Variants in PES1 observed in about 807,000 individuals in gnomAD.
PES1 encodes the protein pescadillo homolog.
A neutral mutation model predicts 77.1 loss-of-function variants in PES1; 31 were observed. That is an observed-to-expected ratio of 0.40 (90% CI 0.30 to 0.54). The LOEUF (loss-of-function observed/expected upper bound fraction) is 0.54. Ranked by LOEUF, PES1 falls within the 20% of genes least tolerant of loss-of-function variation. The pLI, the probability that PES1 is intolerant of heterozygous loss-of-function variation, is 0.45. For synonymous variants in PES1, 282 were observed against 303.0 expected (o/e 0.93, Z 0.72); for missense variants, 658 against 771.7 (o/e 0.85, Z 1.75).
In PES1 at chr22:30,584,157, C is replaced by A. The variant is rs955429971; in HGVS notation, c.630+208G>T. ...TGAAAGGAACACGTCCAAGGGCACGCAGCTGGCAGGTGCTGCCATAGGGCT... is the reference window on the plus strand; with the variant it reads ...TGAAAGGAACACGTCCAAGGGCACGAAGCTGGCAGGTGCTGCCATAGGGCT... On this transcript the variant is annotated intron_variant, in intron 6 of 14. Coordinates refer to ENST00000354694, the MANE Select transcript of PES1 (RefSeq NM_014303.4). 8.4e-6 allele frequency: 5 copies of A among 594,600 alleles called. No homozygotes were observed. In the South Asian group the frequency reaches 9.6e-5, roughly 11 times the overall value. 36.8% of individuals were successfully genotyped at this position (594,600 alleles called of 1,614,324 possible).
At chr22:30,604,545 A>G (rs1259437945) in intron 2 of PES1, among the ~76,000 whole-genome samples, 3 of 152,182 alleles carry the variant, frequency 2.0e-5, no homozygotes, top group Non-Finnish European at 2.9e-5. Flanking sequence ...AGGCAGGAGA[A>G]TCGCTTGAAC....
At chr22:30,598,151 C>G (rs2087293279) in intron 2 of PES1, among the ~76,000 whole-genome samples, 1 of 152,172 alleles carries the variant, frequency 6.6e-6, no homozygotes, top group African/African-American at 2.4e-5. Context: ...ATAACTCTTA[C>G]TGCTGCTCAC....
chr22:30,580,129 T>C lies in PES1; in HGVS notation c.1093A>G (p.Thr365Ala), dbSNP rs1484345699. 1.2e-6 allele frequency: 2 copies of C among 1,613,970 alleles called. No individual in the cohort carries two copies. Among genetic ancestry groups the C allele is most frequent in the South Asian group, 2.2e-5 (2 of 91,076 alleles). The change falls in exon 11 of 15, where the codon ACC (threonine) becomes GCC (alanine). Residue 365 changes from threonine (T) to alanine (A), a missense_variant. Thr to Ala is a moderately conservative substitution (Grantham distance 58, BLOSUM62 0). Transcript: ENST00000354694. ...ATGCGGGAGTCTGTGACGTCATAGGTGGCCCCAATGCACAAAGATTTGTCC... is the reference window on the plus strand; with the variant it reads ...ATGCGGGAGTCTGTGACGTCATAGGCGGCCCCAATGCACAAAGATTTGTCC... ...SWDKSLCIGA[T>A]YDVTDSRITH...
At chr22:30,597,048 C>T (rs566418866) in intron 2 of PES1, among the ~76,000 whole-genome samples, 9 of 152,204 alleles carry the variant, frequency 5.9e-5, no homozygotes, top group African/African-American at 1.2e-4. Context: ...CCAGCAGTGC[C>T]GGCCCACCGG....
At chr22:30,604,151 C>A (rs978183446) in intron 2 of PES1, 13 of 152,182 alleles carry the variant, frequency 8.5e-5, no homozygotes, top group Admixed American at 7.2e-4. Flanking sequence ...AACACCTTAT[C>A]TGAGACTGCT....
intron 2 of PES1, among the ~76,000 whole-genome samples, chr22:30,598,938 C>G (rs1364102346): frequency 2.5e-5 from 2 of 80,074 alleles, no homozygotes; most frequent in Admixed American, 2.0e-4. Context: ...GCTCTGTCAT[C>G]CAGGCTAGAG....
intron 2 of PES1, among the ~76,000 whole-genome samples, chr22:30,599,864 C>G (rs1189034252): frequency 2.0e-5 from 3 of 152,204 alleles, no homozygotes; most frequent in African/African-American, 4.8e-5. Flanking sequence ...TGAGCCATTG[C>G]ACTCCAGCCT....
chr22:30,577,282 A>G (rs1376360420), intron 14 of PES1, among the ~76,000 whole-genome samples, 153 bp from the exon 15 acceptor site: 3 of 152,264 alleles, frequency 2.0e-5, no homozygotes, highest in Non-Finnish European at 4.4e-5. Context: ...CTTCATGGTG[A>G]GAAAACATGC....
Position 30,578,762 on chromosome 22 carries a change from C to T in PES1, c.1683+75G>A, listed in dbSNP as rs934362806. 2.8e-5 allele frequency: 43 copies of T among 1,513,208 alleles called. No individual in the cohort carries two copies. In the Admixed American group the frequency reaches 7.3e-4, roughly 26 times the overall value. 93.7% of individuals were successfully genotyped at this position (1,513,208 alleles called of 1,614,324 possible). ...CCTCAGTCTGCCTAGAGGAGGGCCCCAAGCCACATAAGTTCACCTGTGCAG... is the reference window on the plus strand; with the variant it reads ...CCTCAGTCTGCCTAGAGGAGGGCCCTAAGCCACATAAGTTCACCTGTGCAG... On this transcript the variant is annotated intron_variant, in intron 14 of 14. Coordinates refer to ENST00000354694, the MANE Select transcript of PES1 (RefSeq NM_014303.4).
At chr22:30,601,993 G>C (rs981726466) in intron 2 of PES1, 2 of 151,784 alleles carry the variant, frequency 1.3e-5, no homozygotes, top group African/African-American at 4.8e-5. Context: ...GGTTGGTCTT[G>C]TTCTCCTGAC....
intron 6 of PES1, 53 bp downstream of exon 6, chr22:30,584,312 A>G (rs553899836): frequency 1.7e-5 from 23 of 1,346,200 alleles, no homozygotes; most frequent in African/African-American, 1.3e-4. Context: ...CTCCACATCC[A>G]TATCTGTCTA....
At chr22:30,592,069 C>T (rs1037898858), upstream of PES1, 23 of 1,351,294 alleles carry the variant, frequency 1.7e-5, no homozygotes, top group Non-Finnish European at 2.0e-5. Context: ...TTCCCGCTCA[C>T]AATGGTTACA....
rs369764611 is a variant in PES1 at position 30,579,044 on chromosome 22, T to C, written c.1522-46A>G. The C allele has an allele frequency of 9.8e-4, 1,567 of 1,603,542 alleles. 3 individuals are homozygous for C. The highest frequency in any genetic ancestry group is 8.3e-3 in the Middle Eastern group (50 of 6,042). On this transcript the variant is annotated intron_variant, in intron 13 of 14. Transcript: ENST00000354694. ...CTTATGGGGGCAGGTTCTCCCGACC[T>C]CCACAGTCCTCTGGCTCCTGACCTT...
In PES1 at chr22:30,581,412, G is replaced by C. The variant is rs1218595193; in HGVS notation, c.748-4C>G. Reference sequence around the variant, plus strand: ...CTGCTTGGGCCTGACCCTCGAGCTAGTAGGCAAAGGGAAGGTCAGGAGGCA... The same window carrying C: ...CTGCTTGGGCCTGACCCTCGAGCTACTAGGCAAAGGGAAGGTCAGGAGGCA... On this transcript the variant is annotated splice_region_variant and splice_polypyrimidine_tract_variant and intron_variant, in intron 7 of 14. Coordinates refer to ENST00000354694, the MANE Select transcript of PES1 (RefSeq NM_014303.4). 6.2e-7 allele frequency: 1 copy of C among 1,613,504 alleles called. No homozygotes were observed. The highest frequency in any genetic ancestry group is 8.5e-7 in the Non-Finnish European group (1 of 1,180,010).
chr22:30,581,886 C>T (rs756588549), intron 6 of PES1, among the ~76,000 whole-genome samples: 1 of 152,150 alleles, frequency 6.6e-6, no homozygotes, highest in East Asian at 1.9e-4. Flanking sequence ...AAGGGTTAGA[C>T]GCATCCTGGA....
intron 12 of PES1, 33 bp downstream of exon 12, chr22:30,579,718 G>A: frequency 1.9e-6 from 3 of 1,602,360 alleles, no homozygotes; most frequent in Non-Finnish European, 1.7e-6. Flanking sequence ...GTGGGCCCAG[G>A]GGTCAAGGCC....
upstream of PES1, chr22:30,592,086 T>C (rs1420005381): frequency 7.6e-7 from 1 of 1,321,410 alleles, no homozygotes; most frequent in African/African-American, 1.5e-5. Flanking sequence ...TACAAACACT[T>C]TAAGTGTTAA....
chr22:30,585,185 C>T, intron 4 of PES1: 1 of 451,954 alleles, frequency 2.2e-6, no homozygotes, highest in Non-Finnish European at 4.7e-6. Context: ...CTGGGCCTGG[C>T]CACCGGTCGC....
In PES1 at chr22:30,591,880, C is replaced by T. The variant is rs774359138; in HGVS notation, c.-47G>A. On this transcript the variant is annotated 5_prime_UTR_variant, in exon 1 of 15. Coordinates refer to ENST00000354694, the MANE Select transcript of PES1 (RefSeq NM_014303.4). ...CTAGGGCCGCGCGTACAGGGAGCTC[C>T]ACTTCCTCCCGCACGTGCCCTGCCA... The T allele has an allele frequency of 3.3e-6, 5 of 1,535,240 alleles. No homozygotes were observed. The highest frequency in any genetic ancestry group is 3.5e-6 in the Non-Finnish European group (4 of 1,142,788).
Sources: gnomAD v4.1 joint callset for allele counts (sites outside exome capture counted in the v4.1 genomes callset) on GRCh38, gnomAD v4.1.1 for gene constraint, MANE v1.5 for transcripts, NCBI Gene and HGNC (gene_info 2026-07-23, HGNC 2026-07-21) for gene names.